Variants in KIF13A observed in about 807,000 individuals in gnomAD.
KIF13A encodes the protein kinesin-like protein KIF13A.
A neutral mutation model predicts 212.2 loss-of-function variants in KIF13A; 79 were observed. The ratio of observed to expected loss-of-function variants is 0.37; its 90% CI spans 0.31 to 0.45. The LOEUF is 0.45. KIF13A is among the 20% of genes least tolerant of loss of function. KIF13A has a pLI of 1.00. For missense variants in KIF13A, 1,901 were observed against 2,209.0 expected (o/e 0.86, Z 2.79); for synonymous variants, 789 against 808.6 (o/e 0.98, Z 0.41).
At position 17,961,520 on chromosome 6, in the gene KIF13A, T is replaced by C. The variant is rs1325002364; in HGVS notation, c.146+25534A>G. Among the ~76,000 whole-genome samples the C allele has an allele frequency of 6.6e-6, 1 of 152,188 alleles. No individual in the cohort carries two copies. The highest frequency in any genetic ancestry group is 1.9e-4 in the East Asian group (1 of 5,192). Reference sequence around the variant, plus strand: ...TTAATATTTTACCAACTGACTACCATAAATTTGACATTAAACAAAACAGCC... The same window carrying C: ...TTAATATTTTACCAACTGACTACCACAAATTTGACATTAAACAAAACAGCC... On this transcript the variant is annotated intron_variant, in intron 2 of 38. Coordinates refer to ENST00000259711, the MANE Select transcript of KIF13A (RefSeq NM_022113.6). This position sits in a 1 kb window ranked among gnomAD's most constrained non-coding sequence, Gnocchi z 4.1.
chr6:17,790,246 T>A (rs1038287502), intron 25 of KIF13A, among the ~76,000 whole-genome samples: 1 of 151,832 alleles, frequency 6.6e-6, no homozygotes, highest in Non-Finnish European at 1.5e-5. Context: ...GTACAAAAAA[T>A]TTTAAAAAAT....
intron 13 of KIF13A, 64 bp downstream of exon 13, chr6:17,831,037 A>G (rs1765401376): frequency 1.4e-6 from 2 of 1,479,786 alleles, no homozygotes; most frequent in Admixed American, 2.0e-5. Context: ...ACAGGCACCC[A>G]GATTCAACTA....
Position 17,789,736 on chromosome 6 carries a change from C to A in KIF13A, c.3261+136G>T. On this transcript the variant is annotated intron_variant, in intron 26 of 38. Transcript: ENST00000259711. This position sits in a 1 kb window ranked among gnomAD's most constrained non-coding sequence, Gnocchi z 4.8. ...ATATTGTGTTTGAATACATATAAAG[C>A]AAATCAAAAGCAAGTGAAAAACTGC... 1.6e-6 allele frequency: 1 copy of A among 640,774 alleles called. No homozygotes were observed. 39.7% of individuals were successfully genotyped at this position (640,774 alleles called of 1,614,324 possible).
At chr6:17,881,403 G>C (rs1338917095) in intron 3 of KIF13A, 1 of 409,066 alleles carries the variant, frequency 2.4e-6, no homozygotes, top group Non-Finnish European at 4.7e-6. Context: ...TTACTTAAAA[G>C]TCATCTCTGA....
In KIF13A at chr6:17,963,575, T is replaced by C. The variant is rs1779036257; in HGVS notation, c.146+23479A>G. Among the ~76,000 whole-genome samples the C allele has an allele frequency of 6.6e-6, 1 of 152,262 alleles. No homozygotes were observed. Among genetic ancestry groups the C allele is most frequent in the Non-Finnish European group, 1.5e-5 (1 of 68,040 alleles). On this transcript the variant is annotated intron_variant, in intron 2 of 38. Coordinates refer to ENST00000259711, the MANE Select transcript of KIF13A (RefSeq NM_022113.6). The surrounding 1 kb of genome is among the most constrained non-coding windows in gnomAD (Gnocchi z 4.1). The stretch of plus-strand genomic sequence containing the variant: ...GATTTGTTCTATATCTTTCTTTTTT[T>C]GAGACAGAGTCTTGCTGTGTCGCCT...
At position 17,809,304 on chromosome 6, in the gene KIF13A, G is replaced by A. The variant is rs1230517057; in HGVS notation, c.2001-374C>T. ...GGCAGGGAGGGGTTGGCAGATGAGAGAAACCTGGAGTTAGGAGAAGAAATT... is the reference window on the plus strand; with the variant it reads ...GGCAGGGAGGGGTTGGCAGATGAGAAAAACCTGGAGTTAGGAGAAGAAATT... On this transcript the variant is annotated intron_variant, in intron 17 of 38. Coordinates refer to ENST00000259711, the MANE Select transcript of KIF13A (RefSeq NM_022113.6). The surrounding 1 kb of genome is among the most constrained non-coding windows in gnomAD (Gnocchi z 4.7). Among the ~76,000 whole-genome samples the A allele has an allele frequency of 1.3e-5, 2 of 152,210 alleles. No individual in the cohort carries two copies. Among genetic ancestry groups the A allele is most frequent in the Non-Finnish European group, 2.9e-5 (2 of 68,046 alleles).
chr6:17,845,348 A>G (rs887000399), intron 9 of KIF13A, among the ~76,000 whole-genome samples: 1 of 152,328 alleles, frequency 6.6e-6, no homozygotes, highest in South Asian at 2.1e-4. Context: ...TAGAAATACC[A>G]TGCTTACAAG....
At chr6:17,929,078 A>C (rs535992937) in intron 2 of KIF13A, among the ~76,000 whole-genome samples, 2 of 151,444 alleles carry the variant, frequency 1.3e-5, no homozygotes, top group African/African-American at 4.9e-5. Flanking sequence ...AAAAAAAAAA[A>C]AAAAACAAAG....
At chr6:17,905,138 A>T (rs752958291) in intron 2 of KIF13A, among the ~76,000 whole-genome samples, 10 of 152,136 alleles carry the variant, frequency 6.6e-5, no homozygotes, top group South Asian at 4.1e-4. Flanking sequence ...TTTAAAAAAA[A>T]TTTTTTTAAG....
rs1209261226 is a variant in KIF13A, at chr6:17,892,664, T to G, written c.159+5504A>C. On this transcript the variant is annotated intron_variant, in intron 3 of 38. Transcript: ENST00000259711. This position sits in a 1 kb window ranked among gnomAD's most constrained non-coding sequence, Gnocchi z 4.7. ...AGGGGAGAGACACTAGAGACTGAGTTCAATGGATTCAATCAATTATGCCTA... is the reference window on the plus strand; with the variant it reads ...AGGGGAGAGACACTAGAGACTGAGTGCAATGGATTCAATCAATTATGCCTA... Among the ~76,000 whole-genome samples, 1 of 152,128 alleles carries G rather than the reference T, an allele frequency of 6.6e-6. No homozygotes were observed. Among genetic ancestry groups the G allele is most frequent in the Non-Finnish European group, 1.5e-5 (1 of 68,004 alleles).
At chr6:17,781,108 T>C (rs1760532792) in intron 30 of KIF13A, 69 bp downstream of exon 30, 3 of 1,584,272 alleles carry the variant, frequency 1.9e-6, no homozygotes, top group East Asian at 2.2e-5. Context: ...CATAGCAGTT[T>C]AGTGAGCAGG....
intron 38 of KIF13A, among the ~76,000 whole-genome samples, chr6:17,766,941 A>G (rs1413924844): frequency 6.6e-6 from 1 of 152,218 alleles, no homozygotes; most frequent in Non-Finnish European, 1.5e-5. Flanking sequence ...TAGTTGTAAA[A>G]ATGTGACTGA....
In KIF13A at chr6:17,805,339, T is replaced by C. The variant is rs143176612; in HGVS notation, c.2304+136A>G. 8.8e-6 allele frequency: 7 copies of C among 799,788 alleles called. No homozygotes were observed. The African/African-American group carries it at 1.0e-4, about 12-fold the overall frequency. 49.5% of individuals were successfully genotyped at this position (799,788 alleles called of 1,614,324 possible). On this transcript the variant is annotated intron_variant, in intron 19 of 38. Transcript: ENST00000259711. Reference sequence around the variant, plus strand: ...AATCACTTGTACTTTATTTTCCTAATATAATATCTAACGTATCATGAGCAC... The same window carrying C: ...AATCACTTGTACTTTATTTTCCTAACATAATATCTAACGTATCATGAGCAC...
chr6:17,834,038 C>G lies in KIF13A; in HGVS notation c.1189G>C (p.Glu397Gln), dbSNP rs184385862. The stretch of plus-strand genomic sequence containing the variant: ...TCTTTTATCAGCTTTTCAGACTCTT[C>G]GAGCTTCTCCTTCAGTTCAGGGGCC... ...MKAPELKEKL[E>Q]ESEKLIKELT... The change falls in exon 12 of 39, where the codon GAA becomes CAA. Residue 397 changes from glutamate to glutamine, a missense_variant. Glu to Gln is a conservative substitution (Grantham distance 29). Coordinates refer to ENST00000259711, the MANE Select transcript of KIF13A (RefSeq NM_022113.6). This position sits in a 1 kb window ranked among gnomAD's most constrained non-coding sequence, Gnocchi z 4.0. The G allele has an allele frequency of 1.3e-6, 2 of 1,599,484 alleles. No individual in the cohort carries two copies. The highest frequency in any genetic ancestry group is 2.2e-5 in the East Asian group (1 of 44,678).
chr6:17,807,479 C>G (rs981122000), intron 18 of KIF13A, among the ~76,000 whole-genome samples: 1 of 152,012 alleles, frequency 6.6e-6, no homozygotes, highest in Admixed American at 6.6e-5. Context: ...AAACTCCACC[C>G]TGGTAAGTTT....
chr6:17,964,490 C>T (rs1011214020), intron 2 of KIF13A, among the ~76,000 whole-genome samples: 2 of 151,878 alleles, frequency 1.3e-5, no homozygotes, highest in African/African-American at 4.8e-5. Context: ...GTACTAAACC[C>T]AATCATTGGA....
chr6:17,894,274 G>A (rs1772359625), intron 3 of KIF13A, among the ~76,000 whole-genome samples: 1 of 151,878 alleles, frequency 6.6e-6, no homozygotes, highest in Non-Finnish European at 1.5e-5. Flanking sequence ...TAGGACTACA[G>A]GCATACGCCA....
Position 17,837,301 on chromosome 6 carries a change from A to C in KIF13A, c.942+171T>G, listed in dbSNP as rs987728479. Among the ~76,000 whole-genome samples the C allele has an allele frequency of 1.3e-5, 2 of 152,234 alleles. No individual in the cohort carries two copies. Among genetic ancestry groups the C allele is most frequent in the Non-Finnish European group, 2.9e-5 (2 of 68,032 alleles). ...ATAAGGCCTGTCAAACAGCATTCAA[A>C]TGGAATAAAAAGGAGTAGAAAATAG... On this transcript the variant is annotated intron_variant, in intron 10 of 38. Coordinates refer to ENST00000259711, the MANE Select transcript of KIF13A (RefSeq NM_022113.6). This position sits in a 1 kb window ranked among gnomAD's most constrained non-coding sequence, Gnocchi z 5.4.
In KIF13A at chr6:17,900,637, G is replaced by A. The variant is rs1186371683; in HGVS notation, c.147-2457C>T. On this transcript the variant is annotated intron_variant, in intron 2 of 38. Coordinates refer to ENST00000259711, the MANE Select transcript of KIF13A (RefSeq NM_022113.6). This position sits in a 1 kb window ranked among gnomAD's most constrained non-coding sequence, Gnocchi z 4.6. Reference sequence around the variant, plus strand: ...TGCTACAGAAGGAAAAGTAAACCCTGTAGTGCATCATCACTGTACTTCATT... The same window carrying A: ...TGCTACAGAAGGAAAAGTAAACCCTATAGTGCATCATCACTGTACTTCATT... 6.6e-6 allele frequency among the ~76,000 whole-genome samples: 1 copy of A among 152,096 alleles called. No homozygotes were observed. The highest frequency in any genetic ancestry group is 1.5e-5 in the Non-Finnish European group (1 of 67,950).
Sources: allele counts gnomAD v4.1 joint callset (sites outside exome capture counted in the v4.1 genomes callset), GRCh38; gene constraint gnomAD v4.1.1; non-coding constraint Gnocchi (gnomAD v3.1); transcripts MANE v1.5; gene names NCBI Gene and HGNC (gene_info 2026-07-23, HGNC 2026-07-21).